C2orf80: variants seen among roughly 807,000 people sequenced by gnomAD.
C2orf80 encodes the protein uncharacterized protein C2orf80.
A neutral mutation model predicts 30.2 loss-of-function variants in C2orf80; 28 were observed. The ratio of observed to expected loss-of-function variants is 0.93; its 90% confidence interval spans 0.69 to 1.27. The LOEUF is 1.27. Among genes scored for constraint, C2orf80 ranks in the 50% most tolerant of loss-of-function variants. The pLI is 0.00. For missense variants in C2orf80, 220 were observed against 231.0 expected (o/e 0.95, Z 0.31); for synonymous variants, 80 against 76.4 (o/e 1.05, Z -0.24).
At chr2:208,185,585 TAAA>T (rs2105913808) in intron 2 of C2orf80, among the ~76,000 whole-genome samples, 1 of 152,198 alleles carries the variant, frequency 6.6e-6, no homozygotes, top group South Asian at 2.1e-4. Context: ...TAAAAGAAGG[TAAA>T]ATAAGCACCA....
intron 6 of C2orf80, among the ~76,000 whole-genome samples, chr2:208,173,769 G>A (rs1248019859): frequency 6.6e-6 from 1 of 152,108 alleles, no homozygotes; most frequent in Non-Finnish European, 1.5e-5. Flanking sequence ...TGGTAACCTA[G>A]GGCGAAAGGA....
At chr2:208,169,576 G>A (rs932053938) in intron 8 of C2orf80, among the ~76,000 whole-genome samples, 2 of 151,810 alleles carry the variant, frequency 1.3e-5, no homozygotes, top group Non-Finnish European at 2.9e-5. Context: ...AGCCGGGTGT[G>A]GTGGTGCATA....
At chr2:208,183,187 C>T (rs1382707206) in intron 3 of C2orf80, 140 bp from the exon 4 acceptor site, 2 of 562,108 alleles carry the variant, frequency 3.6e-6, no homozygotes, top group Non-Finnish European at 6.1e-6. Flanking sequence ...GCTTTAATAA[C>T]CTGATGCTCG....
intron 8 of C2orf80, among the ~76,000 whole-genome samples, chr2:208,166,411 A>G (rs948489565): frequency 1.3e-5 from 2 of 152,222 alleles, no homozygotes; most frequent in African/African-American, 4.8e-5. Flanking sequence ...TCTAAGTTTG[A>G]AATTATTTTT....
chr2:208,179,992 G>A (rs190829626), intron 6 of C2orf80, among the ~76,000 whole-genome samples: 49 of 152,250 alleles, frequency 3.2e-4, no homozygotes, highest in African/African-American at 1.1e-3. Context: ...TAGTAGTGTT[G>A]TGGGAAAGGA....
intron 6 of C2orf80, among the ~76,000 whole-genome samples, chr2:208,180,001 G>C (rs1055627921): frequency 6.6e-6 from 1 of 152,156 alleles, no homozygotes; most frequent in African/African-American, 2.4e-5. Flanking sequence ...TGTGGGAAAG[G>C]AAGATGTATC....
intron 6 of C2orf80, among the ~76,000 whole-genome samples, chr2:208,176,282 T>C (rs1696290274): frequency 6.6e-6 from 1 of 152,076 alleles, no homozygotes; most frequent in East Asian, 1.9e-4. Context: ...TTCCAGCAAT[T>C]CCCCTGCCTC....
intron 6 of C2orf80, among the ~76,000 whole-genome samples, chr2:208,179,265 A>G (rs961823910): frequency 6.6e-6 from 1 of 152,236 alleles, no homozygotes; most frequent in African/African-American, 2.4e-5. Context: ...CAGGTTACAT[A>G]TGGATTAAAG....
At chr2:208,178,007 A>C (rs1205430928) in intron 6 of C2orf80, among the ~76,000 whole-genome samples, 2 of 151,690 alleles carry the variant, frequency 1.3e-5, no homozygotes, top group African/African-American at 4.8e-5. Flanking sequence ...TAGTAGAGAT[A>C]GGATTTCACC....
chr2:208,182,114 G>GA (rs1052308004), intron 4 of C2orf80, among the ~76,000 whole-genome samples: 1 of 151,966 alleles, frequency 6.6e-6, no homozygotes, highest in South Asian at 2.1e-4. Flanking sequence ...CCATTGAGTA[G>GA]AAAAAAAATA....
intron 6 of C2orf80, among the ~76,000 whole-genome samples, chr2:208,178,882 C>G (rs1696456669): frequency 6.6e-6 from 1 of 152,024 alleles, no homozygotes; most frequent in African/African-American, 2.4e-5. Flanking sequence ...CTCAGCCTCC[C>G]TGGTAGTTGG....
intron 6 of C2orf80, among the ~76,000 whole-genome samples, chr2:208,176,971 A>AGATC (rs1559340642): frequency 1.6e-4 from 17 of 105,996 alleles, no homozygotes; most frequent in African/African-American, 2.0e-4. Context: ...ATATGTATAC[A>AGATC]TATATACAGA....
At chr2:208,180,590 T>C (rs1161938273) in intron 6 of C2orf80, among the ~76,000 whole-genome samples, 155 bp downstream of exon 6, 1 of 152,214 alleles carries the variant, frequency 6.6e-6, no homozygotes, top group Non-Finnish European at 1.5e-5. Flanking sequence ...TCACACACGT[T>C]ATTCAAGTAA....
In C2orf80 at chr2:208,183,020, C is replaced by T. The variant is rs1425970452; in HGVS notation, c.151G>A (p.Ala51Thr). 5 of 1,613,974 alleles carry T rather than the reference C, an allele frequency of 3.1e-6. No homozygotes were observed. Among genetic ancestry groups the T allele is most frequent in the Admixed American group, 1.7e-5 (1 of 60,008 alleles). Residue 51 changes from alanine (A) to threonine (T), a missense_variant, in exon 4 of 9, where the codon GCT becomes ACT. By Grantham distance (58) the Ala-to-Thr change is moderately conservative (BLOSUM62 0). Coordinates refer to ENST00000341287, the MANE Select transcript of C2orf80 (RefSeq NM_001099334.3). ...MAHYDLAISV[A>T]LQWLDPSEDL... ...TCTGAGGGATCCAGCCATTGCAAAG[C>T]AACACTGATGGCCAAGTCATAGTGT... is the stretch of plus-strand genomic sequence containing the variant.
chr2:208,167,879 A>AT (rs370751271), intron 8 of C2orf80, among the ~76,000 whole-genome samples: 65 of 146,410 alleles, frequency 4.4e-4, no homozygotes, highest in African/African-American at 7.5e-4. Flanking sequence ...CCTGGCTGTG[A>AT]TTTTTTTTTT....
rs946491062 is a variant in C2orf80 at position 208,180,635 on chromosome 2, T to C, written c.366+110A>G. On this transcript the variant is annotated intron_variant, in intron 6 of 8. Coordinates refer to ENST00000341287, the MANE Select transcript of C2orf80 (RefSeq NM_001099334.3). ...ATGTCTGGTTTTGTACATTTTGATG[T>C]AAAACTGTTATTTCATAATTGATGT... The C allele has an allele frequency of 9.4e-6, 8 of 849,826 alleles. No individual in the cohort carries two copies. In the African/African-American group the frequency reaches 1.0e-4, roughly 11 times the overall value. 52.6% of individuals were successfully genotyped at this position (849,826 alleles called of 1,614,324 possible).
intron 2 of C2orf80, 93 bp downstream of exon 2, chr2:208,186,853 T>G (rs1696732880): frequency 1.8e-6 from 2 of 1,116,260 alleles, no homozygotes; most frequent in Non-Finnish European, 2.7e-6. Context: ...GATTCTTAGA[T>G]TTTTACCCAC....
chr2:208,184,855 T>C, intron 3 of C2orf80, 96 bp downstream of exon 3: 2 of 963,236 alleles, frequency 2.1e-6, no homozygotes, highest in Non-Finnish European at 1.6e-6. Flanking sequence ...TGGGTGTCAA[T>C]ATTAGCCTTG....
chr2:208,168,399 C>T lies in C2orf80; in HGVS notation c.573+2546G>A, dbSNP rs183069753. ...TACATTACCCAAGAGTTGGGCCGGG[C>T]GCGGTGGCTCAAGCCTGTAATCCCA... On this transcript the variant is annotated intron_variant, in intron 8 of 8. Transcript: ENST00000341287. 5 of 305,892 alleles carry T rather than the reference C, an allele frequency of 1.6e-5. No individual in the cohort carries two copies. The Middle Eastern group carries it at 1.2e-3, about 76-fold the overall frequency. 18.9% of individuals were successfully genotyped at this position (305,892 alleles called of 1,614,324 possible).
Sources: allele counts gnomAD v4.1 joint callset (sites outside exome capture counted in the v4.1 genomes callset), GRCh38; gene constraint gnomAD v4.1.1; transcripts MANE v1.5; gene names NCBI Gene and HGNC (gene_info 2026-07-23, HGNC 2026-07-21).